ADCY2: variants seen among roughly 807,000 people sequenced by gnomAD.
ADCY2 encodes adenylate cyclase type 2.
In ADCY2, 31 loss-of-function variants were observed where a neutral mutation model predicts 125.2. The observed-to-expected ratio is 0.25, with a 90% CI of 0.19 to 0.33. The LOEUF is 0.33. Among genes scored for constraint, ADCY2 ranks in the 10% least tolerant of loss-of-function variants. ADCY2 has a pLI of 1.00. For missense variants in ADCY2, 904 were observed against 1,418.2 expected (o/e 0.64, Z 5.82); for synonymous variants, 512 against 548.4 (o/e 0.93, Z 0.93).
chr5:7,778,761 G>A (rs989697893), intron 18 of ADCY2, among the ~76,000 whole-genome samples: 2 of 152,146 alleles, frequency 1.3e-5, no homozygotes, highest in South Asian at 4.2e-4. Context: ...TTTTCACAAT[G>A]TCCTAACGAG....
intron 12 of ADCY2, among the ~76,000 whole-genome samples, chr5:7,721,537 AT>A (rs1344715065): frequency 6.6e-6 from 1 of 152,212 alleles, no homozygotes; most frequent in African/African-American, 2.4e-5. Flanking sequence ...TTAGGTCAAC[AT>A]TTAAGTCTTT....
At chr5:7,504,788 T>A (rs765594576) in intron 2 of ADCY2, among the ~76,000 whole-genome samples, 4 of 151,906 alleles carry the variant, frequency 2.6e-5, no homozygotes, top group Non-Finnish European at 5.9e-5. Context: ...GGACTACATG[T>A]GTGAGCCACC....
chr5:7,407,546 C>T (rs938731492), intron 1 of ADCY2, among the ~76,000 whole-genome samples: 1 of 152,174 alleles, frequency 6.6e-6, no homozygotes, highest in East Asian at 1.9e-4. Context: ...TGGGGACACA[C>T]AGCCAAACCG....
intron 3 of ADCY2, among the ~76,000 whole-genome samples, chr5:7,580,515 G>A (rs577315930): frequency 5.3e-4 from 81 of 152,122 alleles, no homozygotes; most frequent in Non-Finnish European, 1.0e-3. Context: ...AACATGAGCA[G>A]GACCATTAGA....
chr5:7,403,305 G>T (rs962281263), intron 1 of ADCY2, among the ~76,000 whole-genome samples: 4 of 152,016 alleles, frequency 2.6e-5, no homozygotes, highest in African/African-American at 9.7e-5. Context: ...AATTAAATAC[G>T]GAGATCAGGT....
chr5:7,437,189 T>G (rs1047557168), intron 2 of ADCY2, among the ~76,000 whole-genome samples: 1 of 152,158 alleles, frequency 6.6e-6, no homozygotes. Context: ...AGCCCATGCA[T>G]GTAAGGGATT....
chr5:7,601,584 C>A (rs1037386051), intron 3 of ADCY2, among the ~76,000 whole-genome samples: 1 of 152,190 alleles, frequency 6.6e-6, no homozygotes, highest in Admixed American at 6.5e-5. Context: ...TAAGAAACTT[C>A]TTAAACAATA....
chr5:7,724,466 G>A (rs900032145), intron 12 of ADCY2, 79 bp from the exon 13 acceptor site: 6 of 1,069,972 alleles, frequency 5.6e-6, no homozygotes, highest in African/African-American at 3.2e-5. Context: ...AAAGAAGATC[G>A]CAAGTCATTT....
intron 3 of ADCY2, among the ~76,000 whole-genome samples, chr5:7,584,188 A>G (rs1736539559): frequency 1.3e-5 from 2 of 152,154 alleles, no homozygotes; most frequent in African/African-American, 2.4e-5. Context: ...AATGTAAAGC[A>G]TAATTAATAA....
intron 4 of ADCY2, among the ~76,000 whole-genome samples, chr5:7,647,971 A>G (rs1738958547): frequency 6.6e-6 from 1 of 152,196 alleles, no homozygotes; most frequent in Non-Finnish European, 1.5e-5. Context: ...AAAAGGCGCA[A>G]TGCCAAGAGG....
At chr5:7,626,083 C>G (rs1422825144) in intron 3 of ADCY2, 84 bp from the exon 4 acceptor site, 2 of 1,430,140 alleles carry the variant, frequency 1.4e-6, no homozygotes, top group African/African-American at 2.9e-5. Context: ...TCTCTGAAGA[C>G]TGTTGCTAAT....
At chr5:7,691,400 A>G (rs1170029394) in intron 5 of ADCY2, 1 of 152,282 alleles carries the variant, frequency 6.6e-6, no homozygotes, top group Non-Finnish European at 1.5e-5. Context: ...TGAGACTGGT[A>G]TACTCATATC....
chr5:7,667,438 A>G (rs138493983), intron 4 of ADCY2, among the ~76,000 whole-genome samples: 12 of 152,256 alleles, frequency 7.9e-5, no homozygotes, highest in Non-Finnish European at 1.2e-4. Context: ...ACTCCAAAAG[A>G]TATCTACATT....
chr5:7,637,593 GA>G (rs1738556410), intron 4 of ADCY2, among the ~76,000 whole-genome samples: 3 of 152,114 alleles, frequency 2.0e-5, no homozygotes, highest in African/African-American at 7.2e-5. Context: ...AGAAACAAAG[GA>G]AAAGTTATTT....
chr5:7,527,638 T>C (rs1012858267), intron 3 of ADCY2, among the ~76,000 whole-genome samples: 1 of 152,216 alleles, frequency 6.6e-6, no homozygotes, highest in Non-Finnish European at 1.5e-5. Flanking sequence ...GGATTACTTA[T>C]ATGTTAGATA....
chr5:7,734,456 T>G (rs1742189739), intron 14 of ADCY2, among the ~76,000 whole-genome samples: 1 of 152,182 alleles, frequency 6.6e-6, no homozygotes, highest in Non-Finnish European at 1.5e-5. Flanking sequence ...TCCATAACAA[T>G]GCACTTGAAT....
intron 17 of ADCY2, among the ~76,000 whole-genome samples, chr5:7,769,952 G>A (rs1743507847): frequency 1.3e-5 from 2 of 152,182 alleles, no homozygotes; most frequent in Non-Finnish European, 2.9e-5. Flanking sequence ...CAGAATCGCT[G>A]ACTATCTGGA....
intron 14 of ADCY2, among the ~76,000 whole-genome samples, chr5:7,740,464 T>G (rs931501347): frequency 4.6e-5 from 7 of 152,048 alleles, no homozygotes; most frequent in Non-Finnish European, 1.0e-4. Context: ...GACTAACTCA[T>G]AAGGTTCCTT....
At chr5:7,646,421 A>C (rs181930053) in intron 4 of ADCY2, among the ~76,000 whole-genome samples, 1 of 152,002 alleles carries the variant, frequency 6.6e-6, no homozygotes, top group Admixed American at 6.6e-5. Context: ...TTTTAATTTC[A>C]TACAGCTTTA....
Sources: gnomAD v4.1 joint callset for allele counts (sites outside exome capture counted in the v4.1 genomes callset) on GRCh38, gnomAD v4.1.1 for gene constraint, MANE v1.5 for transcripts, NCBI Gene and HGNC (gene_info 2026-07-23, HGNC 2026-07-21) for gene names.